Variants in SERPINF1 observed in about 807,000 individuals in gnomAD.
The protein encoded by SERPINF1 is pigment epithelium-derived factor.
SERPINF1 carries 29 observed loss-of-function variants against 37.3 expected under a neutral mutation model. That is an observed-to-expected ratio of 0.78 (90% CI 0.58 to 1.06). The LOEUF (loss-of-function observed/expected upper bound fraction) is 1.06, where lower values mean the gene tolerates loss of function less well. SERPINF1 is among the 50% of genes least tolerant of loss of function. The probability of loss-of-function intolerance (pLI) is 0.00; values close to 1 mark genes in which losing one functional copy is unlikely to be tolerated. For missense variants in SERPINF1, 553 were observed against 532.2 expected (o/e 1.04, Z -0.38); for synonymous variants, 281 against 227.9 (o/e 1.23, Z -2.10).
In SERPINF1 at chr17:1,776,553, G is replaced by A. The variant is rs369314029; in HGVS notation, c.808G>A (p.Gly270Arg). 180 of 1,613,882 alleles carry A rather than the reference G, an allele frequency of 1.1e-4. No individual in the cohort carries two copies. The highest frequency in any genetic ancestry group is 1.4e-4 in the Non-Finnish European group (164 of 1,180,038). The change falls in exon 7 of 8, where the codon GGA (glycine) becomes AGA (arginine). Residue 270 changes from glycine (G) to arginine (R), a missense_variant. Gly to Arg is a moderately radical substitution (Grantham distance 125). Coordinates refer to ENST00000254722, the MANE Select transcript of SERPINF1 (RefSeq NM_002615.7). Reference protein sequence around the residue: ...SCKIAQLPLTGSMSIIFFLPL... With the variant: ...SCKIAQLPLTRSMSIIFFLPL... Reference sequence around the variant, plus strand: ...TCAGATTGCCCAGCTGCCCTTGACCGGAAGCATGAGTATCATCTTCTTCCT... The same window carrying A: ...TCAGATTGCCCAGCTGCCCTTGACCAGAAGCATGAGTATCATCTTCTTCCT...
At chr17:1,770,452 C>CTT (rs35913837) in intron 3 of SERPINF1, 512 of 162,078 alleles carry the variant, frequency 3.2e-3, no homozygotes, top group South Asian at 7.9e-3. Context: ...ACAGAATAGT[C>CTT]TTTTTTTTTT....
rs780544035 is a variant in SERPINF1, at chr17:1,772,057, G to A, written c.625G>A (p.Gly209Ser). 7 of 1,613,434 alleles carry A rather than the reference G, an allele frequency of 4.3e-6. No individual in the cohort carries two copies. In the East Asian group the frequency reaches 6.7e-5, roughly 15 times the overall value. ...IPDEISILLLGVAHFKGQWVT... is the reference protein window; with the variant it reads ...IPDEISILLLSVAHFKGQWVT... ...CGATGAGATCAGCATTCTCCTTCTC[G>A]GTGTGGCGCACTTCAAGGGTGAGCG... is the stretch of plus-strand genomic sequence containing the variant. The change falls in exon 5 of 8, where the codon GGT (glycine) becomes AGT (serine). Residue 209 changes from glycine (G) to serine (S), a missense_variant. Coordinates refer to ENST00000254722, the MANE Select transcript of SERPINF1 (RefSeq NM_002615.7).
Position 1,771,058 on chromosome 17 carries a change from CACCG to C in SERPINF1, c.314_317del (p.His105ArgfsTer7). 1 of 1,614,092 alleles carries C rather than the reference CACCG, an allele frequency of 6.2e-7. No individual in the cohort carries two copies. The highest frequency in any genetic ancestry group is 8.5e-7 in the Non-Finnish European group (1 of 1,179,994). ...GGAGCAGCGAACAGAATCCATCATT[CACCG>C]GGCTCTCTACTATGACTTGATCAGC... On this transcript the variant is annotated frameshift_variant, in exon 4 of 8. Transcript: ENST00000254722. LOFTEE classifies it high-confidence loss of function.
At position 1,776,717 on chromosome 17, in the gene SERPINF1, A is replaced by T. The variant is rs1908056716; in HGVS notation, c.972A>T (p.Glu324Asp). Residue 324 changes from glutamate to aspartate, a missense_variant, in exon 7 of 8, where the codon GAA becomes GAT. Coordinates refer to ENST00000254722, the MANE Select transcript of SERPINF1 (RefSeq NM_002615.7). ...VPKLKLSYEG[E>D]VTKSLQEMKL... ...AGCTGAAGCTGAGTTATGAAGGCGA[A>T]GTCACCAAGTCCCTGCAGGAGATGA... is the stretch of plus-strand genomic sequence containing the variant. The T allele has an allele frequency of 6.2e-7, 1 of 1,612,938 alleles. No homozygotes were observed. The highest frequency in any genetic ancestry group is 8.5e-7 in the Non-Finnish European group (1 of 1,179,596).
intron 5 of SERPINF1, among the ~76,000 whole-genome samples, chr17:1,773,665 CAT>C (rs1907871779): frequency 6.6e-6 from 1 of 152,234 alleles, no homozygotes; most frequent in South Asian, 2.1e-4. Context: ...ATATCTACTT[CAT>C]AGACACCTTT....
At chr17:1,770,945 A>T in intron 3 of SERPINF1, 84 bp from the exon 4 acceptor site, 1 of 1,543,972 alleles carries the variant, frequency 6.5e-7, no homozygotes, top group South Asian at 1.1e-5. Flanking sequence ...AAAAAAGATG[A>T]GTATAGTGTC....
intron 2 of SERPINF1, among the ~76,000 whole-genome samples, chr17:1,768,046 A>C (rs1190371299): frequency 1.3e-5 from 2 of 152,028 alleles, no homozygotes; most frequent in African/African-American, 4.8e-5. Context: ...TCTACAAAAA[A>C]GCAAAAATTA....
intron 1 of SERPINF1, among the ~76,000 whole-genome samples, chr17:1,765,925 C>T (rs1342810656): frequency 6.6e-6 from 1 of 151,928 alleles, no homozygotes; most frequent in Non-Finnish European, 1.5e-5. Flanking sequence ...GACCCTAGGC[C>T]CTGCACTCCT....
At chr17:1,772,533 G>A (rs1567755853) in intron 5 of SERPINF1, among the ~76,000 whole-genome samples, 1 of 151,342 alleles carries the variant, frequency 6.6e-6, no homozygotes, top group African/African-American at 2.4e-5. Context: ...TTACAGGCAT[G>A]AGCCACCGCG....
intron 6 of SERPINF1, 122 bp from the exon 7 acceptor site, chr17:1,776,407 TGAG>T: frequency 1.2e-6 from 1 of 839,970 alleles, no homozygotes; most frequent in Non-Finnish European, 2.0e-6. Context: ...GTTAAATAGA[TGAG>T]GGGCTGGATG....
Position 1,771,053 on chromosome 17 carries a change from T to C in SERPINF1, c.308T>C (p.Ile103Thr). Residue 103 changes from isoleucine to threonine, a missense_variant, in exon 4 of 8, where the codon ATC becomes ACC. Ile to Thr is a moderately conservative substitution (Grantham distance 89, BLOSUM62 -1). Transcript: ENST00000254722. ...GGAGCGGAGCAGCGAACAGAATCCA[T>C]CATTCACCGGGCTCTCTACTATGAC... The part of the protein sequence containing the change: ...SLGAEQRTES[I>T]IHRALYYDLI... The C allele has an allele frequency of 6.2e-7, 1 of 1,614,016 alleles. No homozygotes were observed.
At chr17:1,777,152 A>G (rs777966141) in intron 7 of SERPINF1, 35 bp from the exon 8 acceptor site, 3 of 1,614,032 alleles carry the variant, frequency 1.9e-6, no homozygotes, top group Non-Finnish European at 2.5e-6. Flanking sequence ...TGGGGAAGGC[A>G]GGGTTTTAAC....
chr17:1,767,033 C>A (rs765837072), intron 2 of SERPINF1, 39 bp downstream of exon 2: 5 of 1,513,646 alleles, frequency 3.3e-6, no homozygotes, highest in South Asian at 1.2e-5. Context: ...CAGCATTCCC[C>A]GCCCCTCCTT....
chr17:1,773,518 G>A lies in SERPINF1; in HGVS notation c.643+1443G>A, dbSNP rs182463834. Among the ~76,000 whole-genome samples the A allele has an allele frequency of 4.2e-3, 636 of 152,332 alleles. 2 individuals are homozygous for A. The highest frequency in any genetic ancestry group is 6.9e-3 in the Non-Finnish European group (470 of 68,038). ...CCGCCTCGGCCTCCCACAGTGCTGG[G>A]ATTACAGGCGTGAGCCACTGCGCTG... On this transcript the variant is annotated intron_variant, in intron 5 of 7. Coordinates refer to ENST00000254722, the MANE Select transcript of SERPINF1 (RefSeq NM_002615.7).
chr17:1,775,689 G>A (rs896052657), intron 6 of SERPINF1, among the ~76,000 whole-genome samples: 8 of 152,038 alleles, frequency 5.3e-5, no homozygotes, highest in East Asian at 1.9e-4. Flanking sequence ...GATTACAGGC[G>A]TGTGCCACCA....
chr17:1,765,049 G>A (rs1406742135), intron 1 of SERPINF1, among the ~76,000 whole-genome samples: 1 of 151,682 alleles, frequency 6.6e-6, no homozygotes, highest in East Asian at 1.9e-4. Flanking sequence ...TCTCCATGTT[G>A]GCCAGGATGG....
At chr17:1,772,760 G>A (rs945341048) in intron 5 of SERPINF1, among the ~76,000 whole-genome samples, 7 of 149,652 alleles carry the variant, frequency 4.7e-5, no homozygotes, top group South Asian at 2.1e-4. Context: ...GGGTTTCACC[G>A]TGGTCTCGAT....
At chr17:1,775,465 A>G (rs933133939) in intron 6 of SERPINF1, among the ~76,000 whole-genome samples, 1 of 151,966 alleles carries the variant, frequency 6.6e-6, no homozygotes, top group Admixed American at 6.6e-5. Context: ...GGGCACCCAC[A>G]TGTTTGTTCT....
chr17:1,767,294 C>A (rs1232568793), intron 2 of SERPINF1, among the ~76,000 whole-genome samples: 1 of 152,174 alleles, frequency 6.6e-6, no homozygotes, highest in East Asian at 1.9e-4. Context: ...AGGCATGCAC[C>A]ACCAAGCCCG....
Sources: allele counts gnomAD v4.1 joint callset (sites outside exome capture counted in the v4.1 genomes callset), GRCh38; gene constraint gnomAD v4.1.1; transcripts MANE v1.5; gene names NCBI Gene and HGNC (gene_info 2026-07-23, HGNC 2026-07-21).